Variants in ALDH1A1 observed in about 807,000 individuals in gnomAD.
ALDH1A1 encodes aldehyde dehydrogenase 1 family member A1, also known as aldehyde dehydrogenase 1A1.
A neutral mutation model predicts 62.1 loss-of-function variants in ALDH1A1; 19 were observed. The observed-to-expected ratio is 0.31, with a 90% confidence interval of 0.21 to 0.45. ALDH1A1 has a LOEUF of 0.45. Ranked by LOEUF, ALDH1A1 falls within the 20% of genes least tolerant of loss-of-function variation. The pLI is 1.00. For missense variants in ALDH1A1, 521 were observed against 607.1 expected, an observed-to-expected ratio of 0.86 and a Z score of 1.49; for synonymous variants, 231 against 215.9, an observed-to-expected ratio of 1.07 and a Z score of -0.61.
intron 8 of ALDH1A1, 95 bp downstream of exon 8, chr9:72,918,613 CTTTTTTTTTTTT>C (rs3079046): frequency 2.1e-5 from 6 of 279,436 alleles, no homozygotes; most frequent in Admixed American, 5.8e-5. Context: ...GAAGCAAATG[CTTTTTTTTTTTT>C]TTTTTTTTTT....
Position 72,948,335 on chromosome 9 carries a change from A to G in ALDH1A1, c.66+4600T>C, listed in dbSNP as rs555029911. Among the ~76,000 whole-genome samples, 5 of 152,078 alleles carry G rather than the reference A, an allele frequency of 3.3e-5. No homozygotes were observed. The South Asian group carries it at 1.0e-3, about 31-fold the overall frequency. On this transcript the variant is annotated intron_variant, in intron 1 of 12. Transcript: ENST00000297785. ...CAGCACAATCAGCTTTGCGTTGAACATAAGTCCTTTCCTGTTTTAAGCACC... is the reference window on the plus strand; with the variant it reads ...CAGCACAATCAGCTTTGCGTTGAACGTAAGTCCTTTCCTGTTTTAAGCACC...
chr9:72,906,099 T>C (rs1346459841), intron 11 of ALDH1A1, 67 bp from the exon 12 acceptor site: 5 of 1,259,984 alleles, frequency 4.0e-6, no homozygotes, highest in African/African-American at 3.1e-5. Flanking sequence ...TTTTTGGCAG[T>C]TTTAGAAATT....
intron 7 of ALDH1A1, among the ~76,000 whole-genome samples, chr9:72,922,364 T>C (rs1199674527): frequency 1.3e-5 from 2 of 152,156 alleles, no homozygotes; most frequent in African/African-American, 4.8e-5. Flanking sequence ...TCTCCAGGGA[T>C]TTTTTTAAGT....
At chr9:72,942,596 T>C (rs1045864505) in intron 1 of ALDH1A1, among the ~76,000 whole-genome samples, 4 of 152,154 alleles carry the variant, frequency 2.6e-5, no homozygotes, top group African/African-American at 7.2e-5. Flanking sequence ...AGTGATCCTC[T>C]ATTGTCAGAC....
chr9:72,951,395 TAG>T (rs1830542926), intron 1 of ALDH1A1, among the ~76,000 whole-genome samples: 1 of 151,728 alleles, frequency 6.6e-6, no homozygotes, highest in East Asian at 1.9e-4. Flanking sequence ...TTATTTACAT[TAG>T]AGCTTCCTTG....
chr9:72,902,024 G>A (rs911060828), intron 12 of ALDH1A1, among the ~76,000 whole-genome samples: 1 of 151,892 alleles, frequency 6.6e-6, no homozygotes, highest in Non-Finnish European at 1.5e-5. Context: ...CTAAATTCAG[G>A]CTCTTGGGCT....
chr9:72,925,712 A>G (rs1285578787), intron 5 of ALDH1A1, 100 bp from the exon 6 acceptor site: 2 of 1,345,794 alleles, frequency 1.5e-6, no homozygotes, highest in African/African-American at 3.0e-5. Flanking sequence ...TTATGTAATA[A>G]TTGCGTAGTT....
chr9:72,902,430 C>A (rs193181007), intron 12 of ALDH1A1, among the ~76,000 whole-genome samples: 1 of 151,924 alleles, frequency 6.6e-6, no homozygotes, highest in Non-Finnish European at 1.5e-5. Context: ...GCTGGGTAAC[C>A]TAATACTCTT....
intron 2 of ALDH1A1, among the ~76,000 whole-genome samples, chr9:72,934,783 T>C (rs1046539175): frequency 1.3e-5 from 2 of 152,140 alleles, no homozygotes; most frequent in African/African-American, 4.8e-5. Flanking sequence ...CTATTAAGTA[T>C]CATGAGCCTT....
At position 72,912,140 on chromosome 9, in the gene ALDH1A1, C is replaced by G; in HGVS notation, c.1036-18G>C. ...TTGTCAATCTATTTGAAAAATATCA[C>G]ATGAAAAGAAAAAAAGTAGTCACTT... On this transcript the variant is annotated intron_variant, in intron 9 of 12. Transcript: ENST00000297785. 1 of 1,595,822 alleles carries G rather than the reference C, an allele frequency of 6.3e-7. No homozygotes were observed. Among genetic ancestry groups the G allele is most frequent in the Non-Finnish European group, 8.5e-7 (1 of 1,170,658 alleles).
At chr9:72,941,318 T>TA (rs1034966380) in intron 1 of ALDH1A1, among the ~76,000 whole-genome samples, 5 of 152,210 alleles carry the variant, frequency 3.3e-5, no homozygotes, top group Admixed American at 2.0e-4. Context: ...GCTACTATGC[T>TA]AAATGCAAAT....
chr9:72,901,200 T>C lies in ALDH1A1; in HGVS notation c.*8A>G. The C allele has an allele frequency of 1.3e-6, 2 of 1,592,266 alleles. No individual in the cohort carries two copies. Among genetic ancestry groups the C allele is most frequent in the Admixed American group, 3.3e-5 (2 of 59,932 alleles). On this transcript the variant is annotated 3_prime_UTR_variant, in exon 13 of 13. Coordinates refer to ENST00000297785, the MANE Select transcript of ALDH1A1 (RefSeq NM_000689.5). ...ATTGAAGAGCTTCTCTCCACTCTTG[T>C]ATTTTCTTTATGAGTTCTTCTGAGA...
At chr9:72,919,542 C>T (rs1208556296) in intron 7 of ALDH1A1, among the ~76,000 whole-genome samples, 1 of 152,232 alleles carries the variant, frequency 6.6e-6, no homozygotes, top group African/African-American at 2.4e-5. Context: ...CTCATGAAGT[C>T]TCCTTCAGAG....
rs1481570918 is a variant in ALDH1A1, at chr9:72,901,165, A to C, written c.*43T>G. 1.4e-6 allele frequency: 2 copies of C among 1,430,216 alleles called. No individual in the cohort carries two copies. Among genetic ancestry groups the C allele is most frequent in the Non-Finnish European group, 2.0e-6 (2 of 1,016,976 alleles). 88.6% of individuals were successfully genotyped at this position (1,430,216 alleles called of 1,614,324 possible). On this transcript the variant is annotated 3_prime_UTR_variant, in exon 13 of 13. Coordinates refer to ENST00000297785, the MANE Select transcript of ALDH1A1 (RefSeq NM_000689.5). Reference sequence around the variant, plus strand: ...CTACTATATTAGTGACTGTAAGGAGATGCTTAGCTATTGAAGAGCTTCTCT... The same window carrying C: ...CTACTATATTAGTGACTGTAAGGAGCTGCTTAGCTATTGAAGAGCTTCTCT...
intron 1 of ALDH1A1, among the ~76,000 whole-genome samples, chr9:72,943,205 C>T (rs1311958429): frequency 6.6e-6 from 1 of 152,120 alleles, no homozygotes; most frequent in Admixed American, 6.6e-5. Flanking sequence ...AATAAAACAA[C>T]ATACAGAATC....
intron 12 of ALDH1A1, among the ~76,000 whole-genome samples, chr9:72,902,282 C>G (rs1300280962): frequency 1.3e-5 from 2 of 152,076 alleles, no homozygotes; most frequent in African/African-American, 4.8e-5. Flanking sequence ...ATAAGAGGAT[C>G]AAATTACATG....
At chr9:72,915,059 A>G (rs1001568878) in intron 9 of ALDH1A1, among the ~76,000 whole-genome samples, 4 of 152,126 alleles carry the variant, frequency 2.6e-5, no homozygotes, top group African/African-American at 4.8e-5. Context: ...AAATTCTAAC[A>G]TACCTACTTA....
At chr9:72,909,894 G>T (rs768296864) in intron 10 of ALDH1A1, 135 bp from the exon 11 acceptor site, 7 of 676,720 alleles carry the variant, frequency 1.0e-5, no homozygotes, top group African/African-American at 3.7e-5. Context: ...CTATGTGTGA[G>T]AATCCAAATA....
intron 7 of ALDH1A1, among the ~76,000 whole-genome samples, chr9:72,922,881 T>A (rs1830161092): frequency 6.6e-6 from 1 of 152,242 alleles, no homozygotes; most frequent in Non-Finnish European, 1.5e-5. Flanking sequence ...AATGCAAACT[T>A]TTTTTACTCT....
Sources: gnomAD v4.1 joint callset for allele counts (sites outside exome capture counted in the v4.1 genomes callset) on GRCh38, gnomAD v4.1.1 for gene constraint, MANE v1.5 for transcripts, NCBI Gene and HGNC (gene_info 2026-07-23, HGNC 2026-07-21) for gene names.